Variants in NTM observed in about 807,000 individuals in gnomAD.
The protein encoded by NTM is neurotrimin.
NTM carries 13 observed loss-of-function variants against 42.1 expected under a neutral mutation model. The observed-to-expected ratio is 0.31, with a 90% CI of 0.20 to 0.49. The LOEUF is 0.49. Among genes scored for constraint, NTM ranks in the 20% least tolerant of loss-of-function variants. The pLI is 0.99. For missense variants in NTM, 373 were observed against 452.8 expected, an observed-to-expected ratio of 0.82 and a Z score of 1.60; for synonymous variants, 187 against 179.2, an observed-to-expected ratio of 1.04 and a Z score of -0.35.
chr11:131,474,154 T>G (rs1952698455), intron 1 of NTM, among the ~76,000 whole-genome samples: 1 of 152,186 alleles, frequency 6.6e-6, no homozygotes, highest in Non-Finnish European at 1.5e-5. Flanking sequence ...AATAATGACC[T>G]CCTGTCCAGC....
chr11:132,240,653 T>G (rs2090035656), intron 4 of NTM, among the ~76,000 whole-genome samples: 2 of 152,222 alleles, frequency 1.3e-5, no homozygotes, highest in African/African-American at 4.8e-5. Flanking sequence ...TGAAGATACT[T>G]TGCCACTGGC....
chr11:132,073,013 A>C (rs2057903233), intron 2 of NTM, among the ~76,000 whole-genome samples: 1 of 152,180 alleles, frequency 6.6e-6, no homozygotes, highest in African/African-American at 2.4e-5. Flanking sequence ...AGGCTGGCTT[A>C]TGAGCTGGGT....
At chr11:131,645,464 C>A (rs1314998871) in intron 1 of NTM, among the ~76,000 whole-genome samples, 1 of 152,204 alleles carries the variant, frequency 6.6e-6, no homozygotes, top group Non-Finnish European at 1.5e-5. Flanking sequence ...CGTCAGACAC[C>A]TTCAGACCTA....
At chr11:131,759,177 T>C (rs2083757040) in intron 1 of NTM, among the ~76,000 whole-genome samples, 1 of 152,344 alleles carries the variant, frequency 6.6e-6, no homozygotes, top group Non-Finnish European at 1.5e-5. Context: ...CCCCTGTGCA[T>C]AGGCAGGATT....
intron 1 of NTM, among the ~76,000 whole-genome samples, chr11:131,600,339 G>A (rs2060367970): frequency 1.3e-5 from 2 of 152,190 alleles, no homozygotes; most frequent in South Asian, 2.1e-4. Flanking sequence ...TGCCAGTGAA[G>A]GGCAGCTCCT....
intron 1 of NTM, among the ~76,000 whole-genome samples, chr11:131,646,687 T>C (rs369464727): frequency 6.6e-6 from 1 of 152,256 alleles, no homozygotes; most frequent in African/African-American, 2.4e-5. Flanking sequence ...CAGGAACTTC[T>C]AGGGAGATGT....
intron 1 of NTM, among the ~76,000 whole-genome samples, chr11:131,900,220 C>T (rs2052946293): frequency 1.3e-5 from 2 of 152,020 alleles, no homozygotes; most frequent in Non-Finnish European, 2.9e-5. Context: ...CATGCAAAGT[C>T]CCTCAATTGA....
At chr11:132,192,662 T>C (rs1366754408) in intron 3 of NTM, among the ~76,000 whole-genome samples, 3 of 152,132 alleles carry the variant, frequency 2.0e-5, no homozygotes, top group Admixed American at 6.5e-5. Context: ...AATATTGACA[T>C]TGAATATAAA....
At chr11:131,521,195 G>A (rs2049611263) in intron 1 of NTM, among the ~76,000 whole-genome samples, 1 of 151,288 alleles carries the variant, frequency 6.6e-6, no homozygotes, top group Non-Finnish European at 1.5e-5. Flanking sequence ...TGTGCCTGTA[G>A]TCCCAGCTAC....
intron 1 of NTM, among the ~76,000 whole-genome samples, chr11:131,715,788 G>C (rs1312304434): frequency 6.6e-6 from 1 of 152,102 alleles, no homozygotes; most frequent in Non-Finnish European, 1.5e-5. Flanking sequence ...CCTTCACTCA[G>C]TATAATTATT....
chr11:131,723,212 G>T (rs572566000), intron 1 of NTM, among the ~76,000 whole-genome samples: 1 of 152,326 alleles, frequency 6.6e-6, no homozygotes, highest in South Asian at 2.1e-4. Flanking sequence ...TCATCCAGTG[G>T]TGTTTTAAGC....
chr11:131,515,422 A>G (rs2048775068), intron 1 of NTM, among the ~76,000 whole-genome samples: 1 of 152,162 alleles, frequency 6.6e-6, no homozygotes, highest in Non-Finnish European at 1.5e-5. Flanking sequence ...CCATGTGAGC[A>G]GTTAATCACC....
At chr11:131,980,618 G>C (rs2065078152) in intron 2 of NTM, among the ~76,000 whole-genome samples, 1 of 152,196 alleles carries the variant, frequency 6.6e-6, no homozygotes, top group South Asian at 2.1e-4. Context: ...ACAAGTGAGA[G>C]TCTACCCCAC....
At chr11:132,134,408 A>G (rs746848386) in intron 2 of NTM, among the ~76,000 whole-genome samples, 1 of 151,630 alleles carries the variant, frequency 6.6e-6, no homozygotes, top group Non-Finnish European at 1.5e-5. Flanking sequence ...GTAATTTCTG[A>G]GCTTTTGGTG....
At chr11:131,841,273 A>G (rs2044207832) in intron 1 of NTM, among the ~76,000 whole-genome samples, 1 of 152,198 alleles carries the variant, frequency 6.6e-6, no homozygotes, top group Non-Finnish European at 1.5e-5. Flanking sequence ...GTTGTTGCCA[A>G]ATATAGTGAC....
intron 2 of NTM, among the ~76,000 whole-genome samples, chr11:132,067,860 A>G (rs1368779310): frequency 6.6e-6 from 1 of 152,128 alleles, no homozygotes; most frequent in East Asian, 1.9e-4. Context: ...TTTTCTTTCT[A>G]TGGAATTTTG....
At chr11:131,768,236 A>C (rs528873247) in intron 1 of NTM, among the ~76,000 whole-genome samples, 1 of 150,972 alleles carries the variant, frequency 6.6e-6, no homozygotes, top group South Asian at 2.1e-4. Context: ...CTCCTGCCTC[A>C]GCCTCCCAAG....
intron 1 of NTM, among the ~76,000 whole-genome samples, chr11:131,791,332 C>A (rs1329347703): frequency 6.6e-6 from 1 of 152,168 alleles, no homozygotes; most frequent in Non-Finnish European, 1.5e-5. Context: ...GCAGTGTTAT[C>A]TTTCTAAAGC....
At chr11:131,405,823 G>A (rs1337498792) in intron 1 of NTM, among the ~76,000 whole-genome samples, 1 of 152,108 alleles carries the variant, frequency 6.6e-6, no homozygotes, top group Non-Finnish European at 1.5e-5. Flanking sequence ...CAGTGAGTAT[G>A]CTCCACTAAC....
Sources: allele counts gnomAD v4.1 joint callset (sites outside exome capture counted in the v4.1 genomes callset), GRCh38; gene constraint gnomAD v4.1.1; transcripts MANE v1.5; gene names NCBI Gene and HGNC (gene_info 2026-07-23, HGNC 2026-07-21).